The following TENM3 variants were observed in gnomAD, a reference collection of about 807,000 sequenced individuals.
TENM3 encodes the protein teneurin-3.
In TENM3, 63 loss-of-function variants were observed where a neutral mutation model predicts 255.1. The ratio of observed to expected loss-of-function variants is 0.25; its 90% CI spans 0.20 to 0.30. The LOEUF (loss-of-function observed/expected upper bound fraction) is 0.30. TENM3 is among the 10% of genes least tolerant of loss of function. The pLI is 1.00. For missense variants in TENM3, 2,929 were observed against 3,461.1 expected, an observed-to-expected ratio of 0.85 and a Z score of 3.86; for synonymous variants, 1,306 against 1,322.3, an observed-to-expected ratio of 0.99 and a Z score of 0.27.
At chr4:182,340,941 C>T (rs1764448275) in intron 2 of TENM3, among the ~76,000 whole-genome samples, 1 of 152,102 alleles carries the variant, frequency 6.6e-6, no homozygotes, top group African/African-American at 2.4e-5. Context: ...TTTATTCATC[C>T]ATTTTTTCCC....
intron 6 of TENM3, among the ~76,000 whole-genome samples, chr4:182,666,901 CA>C (rs895694545): frequency 9.3e-5 from 13 of 140,144 alleles, no homozygotes; most frequent in East Asian, 2.1e-4. Context: ...GACCCTGTCT[CA>C]AAAAAAAAAG....
At chr4:182,050,491 G>A in the TENM3 span, among the ~76,000 whole-genome samples, 1 of 152,182 alleles carries the variant, frequency 6.6e-6, no homozygotes, top group Non-Finnish European at 1.5e-5. Flanking sequence ...AAAGAGACTA[G>A]TGCAGAATTT....
intron 1 of TENM3, among the ~76,000 whole-genome samples, chr4:182,198,135 T>TA (rs779732259): frequency 6.6e-6 from 1 of 151,762 alleles, no homozygotes; most frequent in African/African-American, 2.4e-5. Context: ...AAATAAAATT[T>TA]AAAAAAATAA....
chr4:181,734,718 C>T, the TENM3 span, among the ~76,000 whole-genome samples: 3 of 152,104 alleles, frequency 2.0e-5, no homozygotes, highest in Non-Finnish European at 2.9e-5. Flanking sequence ...TTATTCCTTG[C>T]TTCAAATTGT....
intron 13 of TENM3, among the ~76,000 whole-genome samples, chr4:182,721,777 G>C (rs1759754392): frequency 6.6e-6 from 1 of 152,104 alleles, no homozygotes; most frequent in Non-Finnish European, 1.5e-5. Context: ...AATTTTGTCT[G>C]ATGAAAATGA....
At position 182,801,878 on chromosome 4, in the gene TENM3, C is replaced by G. The variant is rs1257556659; in HGVS notation, c.*1527C>G. 6.6e-6 allele frequency: 1 copy of G among 152,614 alleles called. No individual in the cohort carries two copies. Among genetic ancestry groups the G allele is most frequent in the African/African-American group, 2.4e-5 (1 of 41,444 alleles). The allele number at this position is 152,614 out of a possible 1,614,324, so 9.5% of individuals were successfully genotyped here. A position where few individuals can be genotyped will look rare whatever the true frequency, so the allele number is the denominator to read the frequency against. On this transcript the variant is annotated 3_prime_UTR_variant, in exon 28 of 28. Transcript: ENST00000511685. ...CGAGCCCAGCCGCCATCTGCACTTC[C>G]GTGTCGGCTCAGCTCTGACAAATCT...
At chr4:181,852,400 T>C in the TENM3 span, among the ~76,000 whole-genome samples, 1 of 152,308 alleles carries the variant, frequency 6.6e-6, no homozygotes, top group African/African-American at 2.4e-5. Context: ...TCACTGACTG[T>C]GGGACTTTGG....
In TENM3 at chr4:182,351,101, A is replaced by T. The variant is rs557905169; in HGVS notation, c.511+4172A>T. Among the ~76,000 whole-genome samples, 846 of 113,204 alleles carry T rather than the reference A, an allele frequency of 7.5e-3. 4 individuals carry two copies. Among genetic ancestry groups the T allele is most frequent in the African/African-American group, 0.025 (816 of 32,518 alleles). The allele number at this position is 113,204 out of a possible 152,430, so 74.3% of individuals were successfully genotyped here. A position where few individuals can be genotyped will look rare whatever the true frequency, so the allele number is the denominator to read the frequency against. On this transcript the variant is annotated intron_variant, in intron 3 of 27. Transcript: ENST00000511685. The stretch of plus-strand genomic sequence containing the variant: ...CGTCAGGAACAAAGGGCTTTTTTTT[A>T]TTTTTTCAAAACATCAGTCTTTAAG...
chr4:182,073,293 C>G, the TENM3 span, among the ~76,000 whole-genome samples: 109 of 152,226 alleles, frequency 7.2e-4, no homozygotes, highest in African/African-American at 2.6e-3. Flanking sequence ...AAACCAGCCC[C>G]GTGATCCATC....
chr4:181,787,068 C>A, the TENM3 span, among the ~76,000 whole-genome samples: 1 of 152,228 alleles, frequency 6.6e-6, no homozygotes, highest in African/African-American at 2.4e-5. Context: ...CACTGCCTGG[C>A]AGATGCCTTC....
intron 22 of TENM3, among the ~76,000 whole-genome samples, chr4:182,772,832 C>A (rs1764370732): frequency 6.6e-6 from 1 of 151,942 alleles, no homozygotes; most frequent in Non-Finnish European, 1.5e-5. Context: ...AGTAAATCAC[C>A]ATGCAAGATA....
chr4:181,615,408 G>A, the TENM3 span, among the ~76,000 whole-genome samples: 20 of 152,182 alleles, frequency 1.3e-4, no homozygotes, highest in South Asian at 2.3e-3. Context: ...TCCCACGCCC[G>A]TTCAACTACC....
the TENM3 span, among the ~76,000 whole-genome samples, chr4:181,485,152 G>T: frequency 6.6e-6 from 1 of 152,106 alleles, no homozygotes; most frequent in Non-Finnish European, 1.5e-5. Context: ...CATTGACAGT[G>T]ATTTTAAACG....
the TENM3 span, among the ~76,000 whole-genome samples, chr4:181,968,067 T>C: frequency 6.6e-6 from 1 of 152,156 alleles, no homozygotes; most frequent in Non-Finnish European, 1.5e-5. Flanking sequence ...TGACAGACTT[T>C]CTGGAGGTCC....
chr4:181,927,442 C>T, the TENM3 span, among the ~76,000 whole-genome samples: 2 of 152,240 alleles, frequency 1.3e-5, no homozygotes, highest in African/African-American at 2.4e-5. Context: ...CGCAGCTCAG[C>T]AAAGCCACTG....
intron 1 of TENM3, among the ~76,000 whole-genome samples, chr4:182,192,224 A>C (rs966652924): frequency 6.6e-6 from 1 of 152,212 alleles, no homozygotes; most frequent in African/African-American, 2.4e-5. Flanking sequence ...CATACGTAGC[A>C]GAGTTTAATA....
chr4:182,192,805 C>A (rs1316704772), intron 1 of TENM3, among the ~76,000 whole-genome samples: 1 of 152,156 alleles, frequency 6.6e-6, no homozygotes, highest in Non-Finnish European at 1.5e-5. Flanking sequence ...GTGAGTTAAG[C>A]ACAGTTAAGT....
chr4:182,257,476 G>A (rs967385938), intron 1 of TENM3, among the ~76,000 whole-genome samples: 6 of 152,146 alleles, frequency 3.9e-5, no homozygotes, highest in South Asian at 2.1e-4. Flanking sequence ...ACAATTAGGC[G>A]GTTGGGAAAA....
chr4:181,682,988 A>G, the TENM3 span, among the ~76,000 whole-genome samples: 1 of 152,036 alleles, frequency 6.6e-6, no homozygotes, highest in South Asian at 2.1e-4. Flanking sequence ...CAGAGATGGA[A>G]TGATCACTTG....
Sources: allele counts gnomAD v4.1 joint callset (sites outside exome capture counted in the v4.1 genomes callset), GRCh38; gene constraint gnomAD v4.1.1; transcripts MANE v1.5; gene names NCBI Gene and HGNC (gene_info 2026-07-23, HGNC 2026-07-21).